Variants in CADM2 observed in about 807,000 individuals in gnomAD.
CADM2 encodes the protein immunoglobulin superfamily member 4D.
CADM2 carries 12 observed loss-of-function variants against 49.8 expected under a neutral mutation model. The observed-to-expected ratio is 0.24, with a 90% CI of 0.15 to 0.39. CADM2 has a LOEUF of 0.39. Ranked by LOEUF, CADM2 falls within the 10% of genes least tolerant of loss-of-function variation. The probability of loss-of-function intolerance (pLI) is 1.00; values close to 1 mark genes in which losing one functional copy is unlikely to be tolerated. For synonymous variants in CADM2, 214 were observed against 175.4 expected (o/e 1.22, Z -1.74); for missense variants, 378 against 492.3 (o/e 0.77, Z 2.20).
At chr3:85,142,262 G>C (rs1244482050) in intron 1 of CADM2, among the ~76,000 whole-genome samples, 2 of 152,140 alleles carry the variant, frequency 1.3e-5, no homozygotes, top group African/African-American at 2.4e-5. Context: ...TTGCACTGTG[G>C]TCTTAGCTGC....
At chr3:86,037,439 GA>G (rs112890327) in intron 8 of CADM2, among the ~76,000 whole-genome samples, 92 of 152,148 alleles carry the variant, frequency 6.0e-4, no homozygotes, top group African/African-American at 2.2e-3. Flanking sequence ...GACTTTAAGA[GA>G]GGGGGGCAGG....
chr3:84,979,790 G>A (rs1036413167), intron 1 of CADM2, among the ~76,000 whole-genome samples: 7 of 151,662 alleles, frequency 4.6e-5, no homozygotes, highest in African/African-American at 7.3e-5. Context: ...AAAATTAAAC[G>A]TGGTGAAATG....
chr3:86,059,684 C>T (rs1003295446), intron 8 of CADM2, among the ~76,000 whole-genome samples: 6 of 152,100 alleles, frequency 3.9e-5, no homozygotes, highest in African/African-American at 1.4e-4. Context: ...GAAAGCTTTA[C>T]TTCGTCTTTT....
intron 1 of CADM2, among the ~76,000 whole-genome samples, chr3:85,587,297 G>A (rs1160440031): frequency 6.6e-6 from 1 of 152,016 alleles, no homozygotes; most frequent in Non-Finnish European, 1.5e-5. Flanking sequence ...ATTATTTATC[G>A]ATCATAAAAA....
intron 2 of CADM2, among the ~76,000 whole-genome samples, chr3:85,758,823 C>T (rs2069240705): frequency 6.6e-6 from 1 of 151,932 alleles, no homozygotes; most frequent in Non-Finnish European, 1.5e-5. Context: ...AGTGTTCTGG[C>T]TTGACTGTTT....
intron 1 of CADM2, among the ~76,000 whole-genome samples, chr3:85,061,681 G>C (rs1321784575): frequency 1.3e-5 from 2 of 152,092 alleles, no homozygotes; most frequent in African/African-American, 4.8e-5. Context: ...TGCAATCTAA[G>C]TGTAAGTTCT....
chr3:85,449,247 A>G (rs1414228538), intron 1 of CADM2, among the ~76,000 whole-genome samples: 1 of 151,732 alleles, frequency 6.6e-6, no homozygotes, highest in Admixed American at 6.6e-5. Context: ...TTAAAGCATT[A>G]TAGAATTTCA....
intron 8 of CADM2, among the ~76,000 whole-genome samples, chr3:86,025,287 C>A: frequency 6.6e-6 from 1 of 152,078 alleles, no homozygotes; most frequent in Non-Finnish European, 1.5e-5. Flanking sequence ...AAACTCCTGA[C>A]CTGAGGTGAT....
chr3:85,567,561 A>G lies in CADM2; in HGVS notation c.62-158961A>G, dbSNP rs993943848. On this transcript the variant is annotated intron_variant, in intron 1 of 9. Coordinates refer to ENST00000383699, the MANE Select transcript of CADM2 (RefSeq NM_001167675.2). ...TAATTTCTCTTCTCTCCTTCATGGT[A>G]GCTATTGTGCAGATTTTTTTTTAGT... Among the ~76,000 whole-genome samples the G allele has an allele frequency of 1.2e-4, 18 of 152,186 alleles. 1 individual carries two copies. Among genetic ancestry groups the G allele is most frequent in the Admixed American group, 9.8e-4 (15 of 15,276 alleles).
At chr3:85,324,588 C>A (rs1384287016) in intron 1 of CADM2, among the ~76,000 whole-genome samples, 1 of 152,098 alleles carries the variant, frequency 6.6e-6, no homozygotes, top group Admixed American at 6.6e-5. Context: ...CTAAACATGG[C>A]AATTTTTTTA....
chr3:85,049,387 G>T (rs181464770), intron 1 of CADM2, among the ~76,000 whole-genome samples: 1 of 151,438 alleles, frequency 6.6e-6, no homozygotes, highest in Admixed American at 6.6e-5. Context: ...GTCTCACACA[G>T]TCATCCAGGC....
At chr3:85,054,167 A>G (rs1226489093) in intron 1 of CADM2, among the ~76,000 whole-genome samples, 2 of 151,928 alleles carry the variant, frequency 1.3e-5, no homozygotes, top group African/African-American at 2.4e-5. Context: ...TAAAACAAGA[A>G]GAAAGGAAGA....
intron 3 of CADM2, among the ~76,000 whole-genome samples, chr3:85,850,677 T>C (rs1448232150): frequency 1.3e-5 from 2 of 152,170 alleles, no homozygotes; most frequent in Non-Finnish European, 2.9e-5. Context: ...TGGAGTATTC[T>C]GTACTCTATG....
At chr3:85,925,875 C>T (rs996004029) in intron 6 of CADM2, among the ~76,000 whole-genome samples, 10 of 152,146 alleles carry the variant, frequency 6.6e-5, no homozygotes, top group Middle Eastern at 3.4e-3. Context: ...CAGTGGCTCA[C>T]GCCTGTAATC....
chr3:85,268,396 AT>A (rs2043166648), intron 1 of CADM2, among the ~76,000 whole-genome samples: 1 of 151,472 alleles, frequency 6.6e-6, no homozygotes, highest in Non-Finnish European at 1.5e-5. Context: ...AACTAAATTG[AT>A]TAAAGGATGA....
intron 1 of CADM2, among the ~76,000 whole-genome samples, chr3:85,388,880 G>A (rs1025911585): frequency 6.6e-6 from 1 of 152,016 alleles, no homozygotes; most frequent in Admixed American, 6.6e-5. Context: ...TATCTAAGAT[G>A]TGTTAGATAG....
chr3:85,739,047 T>G (rs1044234486), intron 2 of CADM2, among the ~76,000 whole-genome samples: 4 of 152,144 alleles, frequency 2.6e-5, no homozygotes, highest in African/African-American at 9.6e-5. Flanking sequence ...TGTTTAAAAT[T>G]TAATTTTGGC....
At chr3:85,001,599 C>G (rs2033466116) in intron 1 of CADM2, among the ~76,000 whole-genome samples, 1 of 151,996 alleles carries the variant, frequency 6.6e-6, no homozygotes, top group African/African-American at 2.4e-5. Flanking sequence ...CTCAATGTCT[C>G]TTTCCCATCT....
intron 1 of CADM2, among the ~76,000 whole-genome samples, chr3:85,428,638 T>G (rs1044632001): frequency 1.4e-5 from 2 of 145,830 alleles, no homozygotes; most frequent in Non-Finnish European, 3.0e-5. Flanking sequence ...TATAAAAATA[T>G]AAGAATTATA....
Sources: allele counts gnomAD v4.1 joint callset (sites outside exome capture counted in the v4.1 genomes callset), GRCh38; gene constraint gnomAD v4.1.1; transcripts MANE v1.5; gene names NCBI Gene and HGNC (gene_info 2026-07-23, HGNC 2026-07-21).